Variants in SLC38A1 observed in about 807,000 individuals in gnomAD.
The protein encoded by SLC38A1 is solute carrier family 38 member 1, also known as sodium-coupled neutral amino acid symporter 1.
In SLC38A1, 18 loss-of-function variants were observed where a neutral mutation model predicts 60.3. The observed-to-expected ratio is 0.30, with a 90% CI of 0.21 to 0.44. SLC38A1 has a LOEUF of 0.44. Among genes scored for constraint, SLC38A1 ranks in the 20% least tolerant of loss-of-function variants. The probability of loss-of-function intolerance (pLI) is 1.00; values close to 1 mark genes in which losing one functional copy is unlikely to be tolerated. For synonymous variants in SLC38A1, 196 were observed against 212.1 expected (o/e 0.92, Z 0.66); for missense variants, 448 against 587.2 (o/e 0.76, Z 2.45).
chr12:46,229,755 T>A, intron 3 of SLC38A1, 116 bp from the exon 4 acceptor site: 1 of 925,296 alleles, frequency 1.1e-6, no homozygotes, highest in Non-Finnish European at 1.7e-6. Flanking sequence ...ATCAGCTCTC[T>A]AAGAGTTTAC....
intron 5 of SLC38A1, among the ~76,000 whole-genome samples, chr12:46,226,818 T>C (rs1193368789): frequency 1.3e-5 from 2 of 152,010 alleles, no homozygotes; most frequent in Non-Finnish European, 2.9e-5. Context: ...GGTTTCACCA[T>C]GTTGGCAAGG....
At chr12:46,258,306 C>G (rs894872107) in intron 1 of SLC38A1, among the ~76,000 whole-genome samples, 1 of 152,124 alleles carries the variant, frequency 6.6e-6, no homozygotes, top group East Asian at 1.9e-4. Context: ...TTACTCAGCT[C>G]CTATTTAAGA....
intron 13 of SLC38A1, among the ~76,000 whole-genome samples, chr12:46,199,326 TGTGTGTGTGTG>T (rs1939539579): frequency 3.6e-5 from 4 of 112,644 alleles, no homozygotes; most frequent in Admixed American, 1.0e-4. Context: ...TGTGTGTGTG[TGTGTGTGTGTG>T]TGTGTGTGTG....
intron 1 of SLC38A1, among the ~76,000 whole-genome samples, chr12:46,260,717 T>C (rs1173320580): frequency 6.6e-6 from 1 of 152,216 alleles, no homozygotes; most frequent in Non-Finnish European, 1.5e-5. Flanking sequence ...ACTTGAAACT[T>C]GAGTATGGCT....
chr12:46,245,076 T>TCTCTAAAAGGCAAGAAC, intron 1 of SLC38A1, among the ~76,000 whole-genome samples: 1 of 152,274 alleles, frequency 6.6e-6, no homozygotes, highest in Admixed American at 6.5e-5. Flanking sequence ...TCAGCAAGAA[T>TCTCTAAAAGGCAAGAAC]CTCTAAAAGG....
At chr12:46,256,351 T>C (rs1399797416) in intron 1 of SLC38A1, among the ~76,000 whole-genome samples, 1 of 152,116 alleles carries the variant, frequency 6.6e-6, no homozygotes, top group East Asian at 1.9e-4. Flanking sequence ...TTTTTACTTA[T>C]GTGACAAAAT....
At position 46,203,057 on chromosome 12, in the gene SLC38A1, T is replaced by C. The variant is rs963086251; in HGVS notation, c.855A>G (p.Ala285=). The change falls in exon 12 of 17, where the codon GCA becomes GCG. Residue 285 remains alanine, a synonymous_variant. Transcript: ENST00000398637. ...GCAGGACTGACGGGTGGCAAACAAA[T>C]GCAAATGCAATGGTGGGTAAAGCAT... is the stretch of plus-strand genomic sequence containing the variant. ...TVYALPTIAF[A]FVCHPSVLPI... 2.5e-5 allele frequency: 40 copies of C among 1,613,904 alleles called. No homozygotes were observed. Among genetic ancestry groups the C allele is most frequent in the Non-Finnish European group, 3.1e-5 (37 of 1,179,942 alleles).
rs900585200 is a variant in SLC38A1 at position 46,225,619 on chromosome 12, C to T, written c.314+3534G>A. 2.0e-5 allele frequency among the ~76,000 whole-genome samples: 3 copies of T among 152,272 alleles called. No individual in the cohort carries two copies. The South Asian group carries it at 6.2e-4, about 32-fold the overall frequency. ...AAAGAAGAGGGTCTTAGACAAATGA[C>T]CCTGGTGGTTCCCAAGTAAAGGAAC... On this transcript the variant is annotated intron_variant, in intron 5 of 16. Transcript: ENST00000398637.
At position 46,216,052 on chromosome 12, in the gene SLC38A1, C is replaced by T. The variant is rs142253327; in HGVS notation, c.315-6925G>A. The stretch of plus-strand genomic sequence containing the variant: ...ATCGGTTCTGGGCTAGCCTATCTTT[C>T]TCCACTCCTTTCTGCTATTGCTGGC... On this transcript the variant is annotated intron_variant, in intron 5 of 16. Transcript: ENST00000398637. 2.1e-3 allele frequency among the ~76,000 whole-genome samples: 324 copies of T among 152,260 alleles called. 3 individuals carry two copies. Among genetic ancestry groups the T allele is most frequent in the Middle Eastern group, 0.01 (3 of 294 alleles).
rs776973889 is a variant in SLC38A1, at chr12:46,204,265, A to T, written c.822+36T>A. On this transcript the variant is annotated intron_variant, in intron 11 of 16. Coordinates refer to ENST00000398637, the MANE Select transcript of SLC38A1 (RefSeq NM_030674.4). The stretch of plus-strand genomic sequence containing the variant: ...GAGAAATAGAATGTCCTTAATAAAA[A>T]TGCTTGTTTCATCTGCAAAGGATCA... 6.2e-6 allele frequency: 8 copies of T among 1,285,784 alleles called. No homozygotes were observed. In the South Asian group the frequency reaches 9.5e-5, roughly 15 times the overall value. The allele number at this position is 1,285,784 out of a possible 1,614,324, so 79.6% of individuals were successfully genotyped here.
Position 46,188,760 on chromosome 12 carries a change from C to A in SLC38A1, c.*210G>T. On this transcript the variant is annotated 3_prime_UTR_variant, in exon 17 of 17. Transcript: ENST00000398637. ...TGTATGAAATTTGAAAAAAAAATTT[C>A]ACAATCCCTAAATTGATCTCAAATC... 1.2e-5 allele frequency: 5 copies of A among 429,558 alleles called. No homozygotes were observed. Among genetic ancestry groups the A allele is most frequent in the East Asian group, 1.0e-4 (3 of 28,832 alleles). 26.6% of individuals were successfully genotyped at this position (429,558 alleles called of 1,614,324 possible).
chr12:46,253,100 T>C (rs2138746205), intron 1 of SLC38A1, among the ~76,000 whole-genome samples: 2 of 151,832 alleles, frequency 1.3e-5, no homozygotes, highest in Middle Eastern at 6.8e-3. Context: ...GGATATGAAG[T>C]TGCAGATGTG....
intron 1 of SLC38A1, among the ~76,000 whole-genome samples, chr12:46,265,498 T>C (rs192677903): frequency 1.8e-4 from 27 of 152,260 alleles, no homozygotes; most frequent in African/African-American, 6.0e-4. Context: ...ACACAGATAT[T>C]GAAGCAGAAA....
chr12:46,215,847 A>C (rs757207425), intron 5 of SLC38A1, among the ~76,000 whole-genome samples: 1 of 151,678 alleles, frequency 6.6e-6, no homozygotes, highest in South Asian at 2.1e-4. Context: ...ACATATAAAA[A>C]CTCCTTGAGC....
rs1426880370 is a variant in SLC38A1, at chr12:46,220,131, A to G, written c.314+9022T>C. ...AACTATTTCTGTTTACAAAATAGGC[A>G]CTCATTGTTAACGCAATGCTAACCA... On this transcript the variant is annotated intron_variant, in intron 5 of 16. Coordinates refer to ENST00000398637, the MANE Select transcript of SLC38A1 (RefSeq NM_030674.4). 3.9e-5 allele frequency among the ~76,000 whole-genome samples: 6 copies of G among 152,222 alleles called. No homozygotes were observed. The East Asian group carries it at 1.2e-3, about 29-fold the overall frequency.
intron 1 of SLC38A1, among the ~76,000 whole-genome samples, chr12:46,244,763 C>T (rs1309214755): frequency 2.0e-5 from 3 of 152,200 alleles, no homozygotes; most frequent in Non-Finnish European, 4.4e-5. Flanking sequence ...CCTGCACTGC[C>T]AGTAATTTTA....
At chr12:46,267,040 G>T (rs1942373051) in intron 1 of SLC38A1, among the ~76,000 whole-genome samples, 1 of 152,148 alleles carries the variant, frequency 6.6e-6, no homozygotes, top group Non-Finnish European at 1.5e-5. Context: ...TATTTCCGTT[G>T]TCCTTCTGAC....
chr12:46,209,163 A>G, intron 5 of SLC38A1, 36 bp from the exon 6 acceptor site: 1 of 1,371,954 alleles, frequency 7.3e-7, no homozygotes. Flanking sequence ...TGTAATATCT[A>G]GAAAAGAATA....
In SLC38A1 at chr12:46,206,153, G is replaced by A. The variant is rs1336794792; in HGVS notation, c.573C>T (p.Tyr191=). ...MGKEETFSAW[Y]VDGRVLVVIV... The stretch of plus-strand genomic sequence containing the variant: ...TCACCACCAGAACGCGGCCATCCAC[G>A]TACCAGGCTCTGAAAGGCATTTAAG... Residue 191 remains tyrosine (Y), a synonymous_variant, in exon 9 of 17, where the codon TAC becomes TAT. Coordinates refer to ENST00000398637, the MANE Select transcript of SLC38A1 (RefSeq NM_030674.4). 6 of 1,605,620 alleles carry A rather than the reference G, an allele frequency of 3.7e-6. No homozygotes were observed. The highest frequency in any genetic ancestry group is 1.7e-5 in the Admixed American group (1 of 59,514).
Sources: gnomAD v4.1 joint callset for allele counts (sites outside exome capture counted in the v4.1 genomes callset) on GRCh38, gnomAD v4.1.1 for gene constraint, MANE v1.5 for transcripts, NCBI Gene and HGNC (gene_info 2026-07-23, HGNC 2026-07-21) for gene names.